MYBPC3: variants seen among roughly 807,000 people sequenced by gnomAD.
The protein encoded by MYBPC3 is myosin binding protein C3.
In MYBPC3, 108 loss-of-function variants were observed where a neutral mutation model predicts 159.3. The observed-to-expected ratio is 0.68, with a 90% CI of 0.58 to 0.80. The LOEUF (loss-of-function observed/expected upper bound fraction) is 0.80, where lower values mean the gene tolerates loss of function less well. Among genes scored for constraint, MYBPC3 ranks in the 30% least tolerant of loss-of-function variants. MYBPC3 has a pLI of 0.00. For missense variants in MYBPC3, 1,631 were observed against 1,762.1 expected (o/e 0.93, Z 1.33); for synonymous variants, 730 against 702.0 (o/e 1.04, Z -0.63).
rs916301687 is a variant in MYBPC3, at chr11:47,331,673, A to G, written c.*70T>C. ...CCAACAGTAGGGAGGGGTTTCCCCAACTTCCCTCCAGGCTCCTGGCACGGG... is the reference window on the plus strand; with the variant it reads ...CCAACAGTAGGGAGGGGTTTCCCCAGCTTCCCTCCAGGCTCCTGGCACGGG... On this transcript the variant is annotated 3_prime_UTR_variant, in exon 35 of 35. Transcript: ENST00000545968. 2 of 673,026 alleles carry G rather than the reference A, an allele frequency of 3.0e-6. No individual in the cohort carries two copies. Among genetic ancestry groups the G allele is most frequent in the South Asian group, 2.0e-5 (1 of 50,080 alleles). 41.7% of individuals were successfully genotyped at this position (673,026 alleles called of 1,614,324 possible). A position where few individuals can be genotyped will look rare whatever the true frequency, so the allele number is the denominator to read the frequency against.
Position 47,335,970 on chromosome 11 carries a change from A to C in MYBPC3, c.2644T>G (p.Ser882Ala). The C allele has an allele frequency of 6.4e-7, 1 of 1,559,372 alleles. No individual in the cohort carries two copies. Among genetic ancestry groups the C allele is most frequent in the Non-Finnish European group, 8.7e-7 (1 of 1,154,202 alleles). The change falls in exon 26 of 35, where the codon TCT becomes GCT. Residue 882 changes from serine to alanine, a missense_variant. Ser to Ala is a moderately conservative substitution (Grantham distance 99). Coordinates refer to ENST00000545968, the MANE Select transcript of MYBPC3 (RefSeq NM_000256.3). ...EPTHLAVEDV[S>A]DTTVSLKWRP... is the part of the protein sequence containing the mutation. ...CACTTGAGGGAGACCGTGGTGTCAGAGACGTCCTCTACTGCCAGGTGGGTG... is the reference window on the plus strand; with the variant it reads ...CACTTGAGGGAGACCGTGGTGTCAGCGACGTCCTCTACTGCCAGGTGGGTG...
In MYBPC3 at chr11:47,352,090, G is replaced by T. The variant is rs570900380; in HGVS notation, c.25+533C>A. 1.6e-3 allele frequency among the ~76,000 whole-genome samples: 238 copies of T among 152,230 alleles called. 1 individual carries two copies. Among genetic ancestry groups the T allele is most frequent in the African/African-American group, 5.5e-3 (227 of 41,534 alleles). On this transcript the variant is annotated intron_variant, in intron 1 of 34. Coordinates refer to ENST00000545968, the MANE Select transcript of MYBPC3 (RefSeq NM_000256.3). ...CTCCTGACTGTCCTCTCTCAGAGAA[G>T]AGGGGCTGTGTCACCCTCAACATGG...
In MYBPC3 at chr11:47,351,884, G is replaced by A. The variant is rs965507119; in HGVS notation, c.26-379C>T. 6.6e-6 allele frequency among the ~76,000 whole-genome samples: 1 copy of A among 152,220 alleles called. No individual in the cohort carries two copies. Among genetic ancestry groups the A allele is most frequent in the Non-Finnish European group, 1.5e-5 (1 of 68,044 alleles). The stretch of plus-strand genomic sequence containing the variant: ...GCGGGGAAGTCTGCCTACTTGGAAT[G>A]TGGCCAAATTTGTCCTCCAAGGACC... On this transcript the variant is annotated intron_variant, in intron 1 of 34. Coordinates refer to ENST00000545968, the MANE Select transcript of MYBPC3 (RefSeq NM_000256.3). This position sits in a 1 kb window ranked among gnomAD's most constrained non-coding sequence, Gnocchi z 4.2.
intron 12 of MYBPC3, among the ~76,000 whole-genome samples, chr11:47,345,201 C>T (rs1247735514): frequency 6.6e-6 from 1 of 152,218 alleles, no homozygotes; most frequent in Non-Finnish European, 1.5e-5. Flanking sequence ...ACCTACAGTC[C>T]TTTGCTTGGT....
intron 2 of MYBPC3, among the ~76,000 whole-genome samples, chr11:47,350,829 CCCATGT>C (rs1359935085): frequency 6.6e-6 from 1 of 152,226 alleles, no homozygotes; most frequent in Non-Finnish European, 1.5e-5. Context: ...GCCATCAGTT[CCCATGT>C]CCTCTGCATC....
chr11:47,342,183 C>G, intron 17 of MYBPC3, 27 bp from the exon 18 acceptor site: 1 of 1,609,770 alleles, frequency 6.2e-7, no homozygotes, highest in Non-Finnish European at 8.5e-7. Context: ...AGCCATTGAG[C>G]TCGGGAGGGT....
intron 28 of MYBPC3, 64 bp downstream of exon 28, chr11:47,333,858 C>G: frequency 6.4e-7 from 1 of 1,550,656 alleles, no homozygotes; most frequent in Non-Finnish European, 8.7e-7. Context: ...CATCAGTCCA[C>G]TGGATGGGAA....
chr11:47,334,158 A>T, intron 27 of MYBPC3, 148 bp from the exon 28 acceptor site: 1 of 729,122 alleles, frequency 1.4e-6, no homozygotes. Context: ...AGCTCCTGCT[A>T]ACACAGCAAC....
chr11:47,334,086 AGACAAG>A, intron 27 of MYBPC3, 76 bp from the exon 28 acceptor site: 1 of 1,397,924 alleles, frequency 7.2e-7, no homozygotes, highest in Non-Finnish European at 9.9e-7. Flanking sequence ...ACCTCCCTTG[AGACAAG>A]GCCCAGAGAG....
In MYBPC3 at chr11:47,346,605, C is replaced by T. The variant is rs553332095; in HGVS notation, c.926+22G>A. 3 of 1,544,912 alleles carry T rather than the reference C, an allele frequency of 1.9e-6. No individual in the cohort carries two copies. The highest frequency in any genetic ancestry group is 1.9e-5 in the Admixed American group (1 of 52,748). The stretch of plus-strand genomic sequence containing the variant: ...GGCAGAATTAGGGGTGATGAGGGTG[C>T]TGTGCTATGTTGGGCACTCACCTCG... On this transcript the variant is annotated intron_variant, in intron 11 of 34. Transcript: ENST00000545968. This position sits in a 1 kb window ranked among gnomAD's most constrained non-coding sequence, Gnocchi z 5.3.
At chr11:47,349,491 C>T (rs898972272) in intron 5 of MYBPC3, among the ~76,000 whole-genome samples, 2 of 151,730 alleles carry the variant, frequency 1.3e-5, no homozygotes, top group African/African-American at 4.8e-5. Flanking sequence ...ACCCCCCACC[C>T]CCGGCCAAAC....
chr11:47,333,487 C>T, intron 29 of MYBPC3, 70 bp downstream of exon 29: 1 of 1,578,902 alleles, frequency 6.3e-7, no homozygotes, highest in Non-Finnish European at 8.6e-7. Flanking sequence ...CCCCTGGCCC[C>T]ACCCTTGGCC....
chr11:47,339,406 T>A lies in MYBPC3; in HGVS notation c.2068-2A>T. On this transcript the variant is annotated splice_acceptor_variant, in intron 21 of 34. Coordinates refer to ENST00000545968, the MANE Select transcript of MYBPC3 (RefSeq NM_000256.3). LOFTEE classifies it high-confidence loss of function. Reference sequence around the variant, plus strand: ...TGGCCTGGCTGGGGCCTTATTCCCCTGGGAACAGGGCAGGAGGGAAGTAGG... The same window carrying A: ...TGGCCTGGCTGGGGCCTTATTCCCCAGGGAACAGGGCAGGAGGGAAGTAGG... 1 of 1,613,902 alleles carries A rather than the reference T, an allele frequency of 6.2e-7. No homozygotes were observed. Among genetic ancestry groups the A allele is most frequent in the Non-Finnish European group, 8.5e-7 (1 of 1,179,782 alleles).
In MYBPC3 at chr11:47,333,197, G is replaced by T. The variant is rs777087155; in HGVS notation, c.3327C>A (p.Thr1109=). 9 of 1,602,306 alleles carry T rather than the reference G, an allele frequency of 5.6e-6. No individual in the cohort carries two copies. The South Asian group carries it at 1.0e-4, about 18-fold the overall frequency. Residue 1109 remains threonine, a synonymous_variant, in exon 30 of 35, where the codon ACC becomes ACA. Transcript: ENST00000545968. ...GYTVQKADKK[T]MEWFTVLEHY... Reference sequence around the variant, plus strand: ...GGACCCCAGACCCTGGGCTCACCATGGTCTTCTTGTCGGCTTTCTGCACTG... The same window carrying T: ...GGACCCCAGACCCTGGGCTCACCATTGTCTTCTTGTCGGCTTTCTGCACTG...
Position 47,332,641 on chromosome 11 carries a change from G to T in MYBPC3, c.3552C>A (p.Thr1184=). 6.2e-7 allele frequency: 1 copy of T among 1,613,878 alleles called. No individual in the cohort carries two copies. Among genetic ancestry groups the T allele is most frequent in the Non-Finnish European group, 8.5e-7 (1 of 1,179,860 alleles). The change falls in exon 32 of 35, where the codon ACC becomes ACA. Residue 1184 remains threonine (T), a synonymous_variant. Coordinates refer to ENST00000545968, the MANE Select transcript of MYBPC3 (RefSeq NM_000256.3). This position sits in a 1 kb window ranked among gnomAD's most constrained non-coding sequence, Gnocchi z 4.2. ...TGACCGAGCGGTTCACCAGGGGCTGGGTGAAGCTTGGGGCCTCGGAGAAGT... is the reference window on the plus strand; with the variant it reads ...TGACCGAGCGGTTCACCAGGGGCTGTGTGAAGCTTGGGGCCTCGGAGAAGT... ...ALDFSEAPSF[T]QPLVNRSVIA...
chr11:47,347,207 G>A, intron 9 of MYBPC3, 178 bp from the exon 10 acceptor site: 1 of 985,386 alleles, frequency 1.0e-6, no homozygotes, highest in Non-Finnish European at 1.2e-6. Context: ...CAAGTGTGGA[G>A]TGGCCGTGGG....
intron 20 of MYBPC3, 119 bp from the exon 21 acceptor site, chr11:47,339,909 G>T: frequency 8.8e-7 from 1 of 1,138,026 alleles, no homozygotes; most frequent in Non-Finnish European, 1.2e-6. Context: ...TTTGTATTGA[G>T]GTATAGTTTA....
At chr11:47,334,153 C>T (rs1241495802) in intron 27 of MYBPC3, 143 bp from the exon 28 acceptor site, 1 of 759,240 alleles carries the variant, frequency 1.3e-6, no homozygotes, top group African/African-American at 1.8e-5. Flanking sequence ...CCTTTAGCTC[C>T]TGCTAACACA....
chr11:47,337,057 G>C (rs927704083), intron 25 of MYBPC3, among the ~76,000 whole-genome samples: 1 of 152,210 alleles, frequency 6.6e-6, no homozygotes, highest in Non-Finnish European at 1.5e-5. Context: ...TGGCCTGCCT[G>C]GTCATCCCAT....
Sources: gnomAD v4.1 joint callset for allele counts (sites outside exome capture counted in the v4.1 genomes callset) on GRCh38, gnomAD v4.1.1 for gene constraint, Gnocchi (gnomAD v3.1) non-coding constraint, MANE v1.5 for transcripts, NCBI Gene and HGNC (gene_info 2026-07-23, HGNC 2026-07-21) for gene names.